COL24A1: variants seen among roughly 807,000 people sequenced by gnomAD.
COL24A1 encodes the protein collagen type XXIV alpha 1 chain, also known as collagen alpha-1(XXIV) chain.
COL24A1 carries 224 observed loss-of-function variants against 253.9 expected under a neutral mutation model. The ratio of observed to expected loss-of-function variants is 0.88; its 90% CI spans 0.79 to 0.99. The LOEUF is 0.99. Ranked by LOEUF, COL24A1 falls within the 50% of genes least tolerant of loss-of-function variation. COL24A1 has a pLI of 0.00. For missense variants in COL24A1, 2,131 were observed against 2,068.5 expected, an observed-to-expected ratio of 1.03 and a Z score of -0.59; for synonymous variants, 685 against 673.7, an observed-to-expected ratio of 1.02 and a Z score of -0.26.
intron 47 of COL24A1, among the ~76,000 whole-genome samples, chr1:85,801,979 C>T (rs1023534389): frequency 6.6e-6 from 1 of 152,148 alleles, no homozygotes; most frequent in Non-Finnish European, 1.5e-5. Flanking sequence ...AATCAAATAT[C>T]AAGTCCTACT....
At chr1:85,784,945 G>A (rs1374587429) in intron 48 of COL24A1, among the ~76,000 whole-genome samples, 1 of 151,980 alleles carries the variant, frequency 6.6e-6, no homozygotes, top group African/African-American at 2.4e-5. Context: ...TGCCCAGGCT[G>A]GTCTTGAACT....
intron 7 of COL24A1, among the ~76,000 whole-genome samples, chr1:86,086,382 C>T (rs750783805): frequency 2.6e-5 from 4 of 152,090 alleles, no homozygotes; most frequent in Non-Finnish European, 4.4e-5. Flanking sequence ...TGAGAAACAG[C>T]GTGGCAAGCC....
chr1:85,934,699 T>C (rs539643346), intron 24 of COL24A1, among the ~76,000 whole-genome samples: 5 of 152,182 alleles, frequency 3.3e-5, no homozygotes, highest in Admixed American at 3.3e-4. Flanking sequence ...CTGCCTGTTT[T>C]GTAAATAGTT....
Position 85,879,912 on chromosome 1 carries a change from T to C in COL24A1, c.2977-2737A>G, listed in dbSNP as rs1343931963. 5.2e-4 allele frequency among the ~76,000 whole-genome samples: 79 copies of C among 152,212 alleles called. 1 individual carries two copies. The highest frequency in any genetic ancestry group is 5.9e-5 in the Non-Finnish European group (4 of 68,028). On this transcript the variant is annotated intron_variant, in intron 32 of 59. Coordinates refer to ENST00000370571, the MANE Select transcript of COL24A1 (RefSeq NM_152890.7). ...TCGTACTTGTCTATTCTTTTGCCAA[T>C]ATCACACTGTCTTGATTACTGTAGT...
intron 14 of COL24A1, among the ~76,000 whole-genome samples, chr1:86,023,410 A>G (rs1158798347): frequency 6.6e-6 from 1 of 152,148 alleles, no homozygotes; most frequent in African/African-American, 2.4e-5. Flanking sequence ...CCACTTATTC[A>G]GCAAATATTT....
At chr1:85,921,722 A>G (rs1357383057) in intron 24 of COL24A1, among the ~76,000 whole-genome samples, 5 of 152,242 alleles carry the variant, frequency 3.3e-5, no homozygotes, top group Non-Finnish European at 5.9e-5. Flanking sequence ...GAGAAACCAG[A>G]GCAGAAAAGC....
At chr1:85,968,470 C>T (rs1281533604) in intron 22 of COL24A1, among the ~76,000 whole-genome samples, 4 of 152,162 alleles carry the variant, frequency 2.6e-5, no homozygotes, top group African/African-American at 9.7e-5. Flanking sequence ...TCAAAACATT[C>T]TAATTTTTGC....
At chr1:85,964,215 T>C (rs775653099) in intron 23 of COL24A1, among the ~76,000 whole-genome samples, 26 of 152,166 alleles carry the variant, frequency 1.7e-4, no homozygotes, top group Non-Finnish European at 3.2e-4. Flanking sequence ...CCAATTCTTA[T>C]AAGCTAGTTT....
chr1:85,857,727 G>A (rs1678614088), intron 37 of COL24A1, among the ~76,000 whole-genome samples: 1 of 152,262 alleles, frequency 6.6e-6, no homozygotes, highest in South Asian at 2.1e-4. Flanking sequence ...AGCACCTGAA[G>A]AAACTACTAC....
intron 47 of COL24A1, among the ~76,000 whole-genome samples, chr1:85,794,657 G>A (rs1269699261): frequency 6.6e-6 from 1 of 152,118 alleles, no homozygotes; most frequent in Non-Finnish European, 1.5e-5. Flanking sequence ...GTTTGCAAGA[G>A]AAACAGATGC....
chr1:85,784,615 G>C (rs1475912157), intron 48 of COL24A1, among the ~76,000 whole-genome samples: 2 of 152,174 alleles, frequency 1.3e-5, no homozygotes, highest in African/African-American at 2.4e-5. Context: ...GTGGAAAGAA[G>C]AGGGAAGGGG....
chr1:86,095,750 T>C (rs1453648371), intron 5 of COL24A1, among the ~76,000 whole-genome samples: 1 of 152,080 alleles, frequency 6.6e-6, no homozygotes, highest in Non-Finnish European at 1.5e-5. Flanking sequence ...TACTTCTGCA[T>C]GACTTTTGTT....
intron 14 of COL24A1, among the ~76,000 whole-genome samples, chr1:86,025,327 G>C (rs1697924618): frequency 6.6e-6 from 1 of 152,154 alleles, no homozygotes; most frequent in Admixed American, 6.5e-5. Context: ...CTCCCACACA[G>C]CTCCTCTGAG....
At chr1:85,935,168 T>TC (rs1553233704) in intron 24 of COL24A1, among the ~76,000 whole-genome samples, 1 of 148,924 alleles carries the variant, frequency 6.7e-6, no homozygotes, top group Admixed American at 6.7e-5. Flanking sequence ...TGTTTGAAAC[T>TC]AAAAAATTTT....
chr1:85,854,153 T>C (rs1678140479), intron 37 of COL24A1, among the ~76,000 whole-genome samples: 1 of 152,160 alleles, frequency 6.6e-6, no homozygotes, highest in African/African-American at 2.4e-5. Context: ...TGGTAAAAGG[T>C]AGGGGTCCAG....
intron 20 of COL24A1, among the ~76,000 whole-genome samples, chr1:85,972,998 T>G (rs1229853914): frequency 6.6e-6 from 1 of 152,226 alleles, no homozygotes; most frequent in East Asian, 1.9e-4. Flanking sequence ...TATGTAAGCC[T>G]GTTTAAGCTG....
intron 2 of COL24A1, 32 bp downstream of exon 2, chr1:86,146,087 T>C: frequency 5.1e-6 from 8 of 1,567,900 alleles, no homozygotes; most frequent in Non-Finnish European, 7.0e-6. Context: ...AATTTTTAAG[T>C]AAGCAAATAA....
intron 2 of COL24A1, among the ~76,000 whole-genome samples, chr1:86,126,617 G>A (rs1367258602): frequency 6.6e-6 from 1 of 151,838 alleles, no homozygotes; most frequent in African/African-American, 2.4e-5. Context: ...GCACTACAAC[G>A]GCATGCCATC....
At chr1:85,906,092 C>A (rs1684787245) in intron 28 of COL24A1, among the ~76,000 whole-genome samples, 1 of 151,620 alleles carries the variant, frequency 6.6e-6, no homozygotes, top group African/African-American at 2.4e-5. Flanking sequence ...GAGTATAAAT[C>A]TGTAACCCAG....
Sources: allele counts gnomAD v4.1 joint callset (sites outside exome capture counted in the v4.1 genomes callset), GRCh38; gene constraint gnomAD v4.1.1; transcripts MANE v1.5; gene names NCBI Gene and HGNC (gene_info 2026-07-23, HGNC 2026-07-21).